The following RBFOX1 variants were observed in gnomAD, a reference collection of about 807,000 sequenced individuals.
RBFOX1 encodes RNA binding fox-1 homolog 1.
RBFOX1 carries 8 observed loss-of-function variants against 57.7 expected under a neutral mutation model. That is an observed-to-expected ratio of 0.14 (90% CI 0.08 to 0.25). The LOEUF is 0.25. Ranked by LOEUF, RBFOX1 falls within the 10% of genes least tolerant of loss-of-function variation. The pLI is 1.00. For missense variants in RBFOX1, 611 were observed against 548.5 expected, an observed-to-expected ratio of 1.11 and a Z score of -1.14; for synonymous variants, 326 against 222.4, an observed-to-expected ratio of 1.47 and a Z score of -4.15.
chr16:7,295,800 G>A (rs1226090334), intron 4 of RBFOX1, among the ~76,000 whole-genome samples: 5 of 152,104 alleles, frequency 3.3e-5, no homozygotes, highest in African/African-American at 1.2e-4. Context: ...GAGCAGGGCT[G>A]AGTCATTGAG....
chr16:5,675,700 C>T (rs767022106), intron 3 of RBFOX1, among the ~76,000 whole-genome samples: 1 of 152,132 alleles, frequency 6.6e-6, no homozygotes, highest in Non-Finnish European at 1.5e-5. Context: ...TGTGCTGGAG[C>T]CCATCTGTCA....
chr16:6,313,768 C>T (rs542159222), intron 1 of RBFOX1, among the ~76,000 whole-genome samples: 1 of 151,936 alleles, frequency 6.6e-6, no homozygotes, highest in South Asian at 2.1e-4. Flanking sequence ...TCTCCCTGGT[C>T]ACAAATTGCT....
chr16:5,294,796 C>A (rs553164639), intron 1 of RBFOX1, among the ~76,000 whole-genome samples: 2 of 151,720 alleles, frequency 1.3e-5, no homozygotes, highest in African/African-American at 4.8e-5. Context: ...TTTGGGAGGC[C>A]GAGGTAGGCA....
chr16:6,804,243 C>G (rs1299160521), intron 3 of RBFOX1, among the ~76,000 whole-genome samples: 1 of 151,754 alleles, frequency 6.6e-6, no homozygotes, highest in African/African-American at 2.4e-5. Flanking sequence ...CTCCTGACCT[C>G]TTGATCCGCC....
chr16:7,304,489 A>T (rs952823317), intron 4 of RBFOX1: 1 of 985,214 alleles, frequency 1.0e-6, no homozygotes. Context: ...ACAGCAGGTA[A>T]GGCGCGCGTC....
chr16:7,549,689 G>A (rs532608842), intron 5 of RBFOX1, among the ~76,000 whole-genome samples: 11 of 152,200 alleles, frequency 7.2e-5, no homozygotes, highest in African/African-American at 1.2e-4. Context: ...GATGTAAGCC[G>A]GAAGACTGGG....
chr16:6,426,587 T>G (rs2152997246), intron 2 of RBFOX1, among the ~76,000 whole-genome samples: 1 of 152,062 alleles, frequency 6.6e-6, no homozygotes, highest in Non-Finnish European at 1.5e-5. Context: ...GCCATGATTG[T>G]CCCAGTGCAC....
chr16:6,841,251 C>G (rs1237596813), intron 3 of RBFOX1, among the ~76,000 whole-genome samples: 2 of 152,136 alleles, frequency 1.3e-5, no homozygotes, highest in African/African-American at 2.4e-5. Context: ...GCCCATTATA[C>G]TCAGGTTCTT....
intron 2 of RBFOX1, among the ~76,000 whole-genome samples, chr16:6,359,699 G>A (rs1325592075): frequency 2.0e-5 from 3 of 152,028 alleles, no homozygotes; most frequent in Non-Finnish European, 4.4e-5. Context: ...CCAACCTTTC[G>A]AGCATCTACT....
chr16:5,826,137 CTT>C (rs2056042732), intron 3 of RBFOX1, among the ~76,000 whole-genome samples: 1 of 145,340 alleles, frequency 6.9e-6, no homozygotes, highest in African/African-American at 2.5e-5. Context: ...AATATTATTC[CTT>C]ATATATATTA....
At chr16:6,870,291 C>G (rs17234462) in intron 3 of RBFOX1, among the ~76,000 whole-genome samples, 30,744 of 152,036 alleles carry the variant, frequency 0.2, 3,291 homozygotes, top group East Asian at 0.27. Context: ...AAATCCGTGC[C>G]TTTTTGTTTG....
chr16:7,552,958 C>T (rs1435973306), intron 5 of RBFOX1, among the ~76,000 whole-genome samples: 1 of 152,074 alleles, frequency 6.6e-6, no homozygotes, highest in East Asian at 1.9e-4. Flanking sequence ...ACTGGGATTA[C>T]AGGTGTGAGC....
At chr16:7,394,434 G>C (rs1237105114) in intron 4 of RBFOX1, among the ~76,000 whole-genome samples, 1 of 151,856 alleles carries the variant, frequency 6.6e-6, no homozygotes, top group African/African-American at 2.4e-5. Flanking sequence ...TCCCCTAATG[G>C]CCATATGGGG....
chr16:7,599,084 A>G (rs1311918099), intron 9 of RBFOX1, among the ~76,000 whole-genome samples: 1 of 152,238 alleles, frequency 6.6e-6, no homozygotes. Context: ...AGCTTTGTCA[A>G]CCAAGACATG....
At chr16:6,649,646 T>G (rs576855109) in intron 2 of RBFOX1, among the ~76,000 whole-genome samples, 132 of 152,328 alleles carry the variant, frequency 8.7e-4, no homozygotes, top group African/African-American at 2.8e-3. Context: ...TTGTTTCACT[T>G]AGAATAATGG....
chr16:6,034,659 G>A (rs771896987), intron 1 of RBFOX1, among the ~76,000 whole-genome samples: 21 of 152,144 alleles, frequency 1.4e-4, no homozygotes, highest in Admixed American at 2.0e-4. Flanking sequence ...GAATTTTGGC[G>A]GGGACACAAA....
At chr16:5,931,262 C>G (rs2059051007) in intron 4 of RBFOX1, among the ~76,000 whole-genome samples, 1 of 152,166 alleles carries the variant, frequency 6.6e-6, no homozygotes, top group Non-Finnish European at 1.5e-5. Flanking sequence ...GTAGATTCCA[C>G]CTGTGTTCCT....
intron 3 of RBFOX1, among the ~76,000 whole-genome samples, chr16:6,837,512 G>A (rs2093185797): frequency 6.6e-6 from 1 of 152,200 alleles, no homozygotes; most frequent in Non-Finnish European, 1.5e-5. Context: ...GTCCTATGCA[G>A]TACCGGGTAA....
At chr16:6,596,079 T>C (rs1468061059) in intron 2 of RBFOX1, among the ~76,000 whole-genome samples, 1 of 152,094 alleles carries the variant, frequency 6.6e-6, no homozygotes, top group Non-Finnish European at 1.5e-5. Context: ...TGGATTTCCT[T>C]TTTACTTCTT....
Sources: allele counts gnomAD v4.1 joint callset (sites outside exome capture counted in the v4.1 genomes callset), GRCh38; gene constraint gnomAD v4.1.1; transcripts MANE v1.5; gene names NCBI Gene and HGNC (gene_info 2026-07-23, HGNC 2026-07-21).